The following APBA2 variants were observed in gnomAD, a reference collection of about 807,000 sequenced individuals.
APBA2 encodes the protein amyloid-beta A4 precursor protein-binding family A member 2.
APBA2 carries 30 observed loss-of-function variants against 75.0 expected under a neutral mutation model. That is an observed-to-expected ratio of 0.40 (90% CI 0.30 to 0.54). The LOEUF (loss-of-function observed/expected upper bound fraction) is 0.54. Among genes scored for constraint, APBA2 ranks in the 20% least tolerant of loss-of-function variants. The pLI, the probability that APBA2 is intolerant of heterozygous loss-of-function variation, is 0.49. For synonymous variants in APBA2, 444 were observed against 409.6 expected (o/e 1.08, Z -1.01); for missense variants, 801 against 1,016.1 (o/e 0.79, Z 2.88).
chr15:28,933,300 C>T (rs976793499), intron 2 of APBA2, among the ~76,000 whole-genome samples: 9 of 151,942 alleles, frequency 5.9e-5, no homozygotes, highest in East Asian at 2.0e-4. Context: ...GGATCAATGC[C>T]GTTTTAAAAG....
chr15:29,056,589 C>CCTCT (rs1400896531), intron 4 of APBA2, among the ~76,000 whole-genome samples: 13 of 784 alleles, frequency 0.017, 1 homozygote, highest in Middle Eastern at 0.17. Context: ...TCCCTCCCTC[C>CCTCT]CTCCCTCCCT....
chr15:29,113,862 C>T lies in APBA2; in HGVS notation c.2038-14C>T. On this transcript the variant is annotated splice_polypyrimidine_tract_variant and intron_variant, in intron 13 of 14. Coordinates refer to ENST00000683413, the MANE Select transcript of APBA2 (RefSeq NM_001353788.2). ...GGCGGGAACACGTGTGCTGACCTGG[C>T]CATGTCTGCTTAGATCTGCAGCCTC... is the stretch of plus-strand genomic sequence containing the variant. 6.2e-7 allele frequency: 1 copy of T among 1,607,864 alleles called. No homozygotes were observed. The highest frequency in any genetic ancestry group is 8.5e-7 in the Non-Finnish European group (1 of 1,178,970).
chr15:29,040,651 A>G (rs1042958099), intron 3 of APBA2, among the ~76,000 whole-genome samples: 2 of 152,222 alleles, frequency 1.3e-5, no homozygotes, highest in African/African-American at 4.8e-5. Flanking sequence ...TGTGTTCTCA[A>G]CCTGAGTGGA....
intron 2 of APBA2, among the ~76,000 whole-genome samples, chr15:28,987,406 A>C (rs1484413958): frequency 2.0e-5 from 3 of 152,020 alleles, no homozygotes; most frequent in Non-Finnish European, 2.9e-5. Flanking sequence ...GGGCAGGAGG[A>C]TCCACGTCCA....
intron 10 of APBA2, among the ~76,000 whole-genome samples, chr15:29,103,215 G>A (rs1038730): frequency 0.66 from 100,981 of 152,100 alleles, 38,736 homozygotes; most frequent in Non-Finnish European, 0.85. Flanking sequence ...GGCACTGAGA[G>A]CCCCCAGGTG....
At chr15:29,048,549 C>T (rs2041449724) in intron 3 of APBA2, among the ~76,000 whole-genome samples, 1 of 152,072 alleles carries the variant, frequency 6.6e-6, no homozygotes, top group African/African-American at 2.4e-5. Context: ...GCTCTAAATT[C>T]ATAATAATGA....
intron 2 of APBA2, among the ~76,000 whole-genome samples, chr15:28,957,797 C>T (rs2152732542): frequency 6.6e-6 from 1 of 152,284 alleles, no homozygotes; most frequent in South Asian, 2.1e-4. Context: ...GTCTCTTGCA[C>T]CTGCACATCA....
At chr15:28,931,985 A>C (rs570051902) in intron 2 of APBA2, among the ~76,000 whole-genome samples, 4 of 152,194 alleles carry the variant, frequency 2.6e-5, no homozygotes, top group African/African-American at 9.6e-5. Flanking sequence ...AGCCCTCCCA[A>C]CTGGGTCTGG....
At chr15:28,914,211 C>A (rs1349519045) in intron 1 of APBA2, among the ~76,000 whole-genome samples, 2 of 152,152 alleles carry the variant, frequency 1.3e-5, no homozygotes, top group Non-Finnish European at 2.9e-5. Flanking sequence ...GGTCAGGCTC[C>A]CCCTGCTCAT....
intron 2 of APBA2, among the ~76,000 whole-genome samples, chr15:28,984,233 G>C (rs2037778451): frequency 6.6e-6 from 1 of 152,282 alleles, no homozygotes; most frequent in African/African-American, 2.4e-5. Flanking sequence ...GGCCATGCTG[G>C]GGGAGTGAGG....
chr15:28,943,273 C>T (rs1844899677), intron 2 of APBA2, among the ~76,000 whole-genome samples: 2 of 152,170 alleles, frequency 1.3e-5, no homozygotes, highest in African/African-American at 4.8e-5. Flanking sequence ...CAGCTCAGAC[C>T]TGCCTCTGCC....
chr15:29,110,297 G>T (rs2044659899), intron 13 of APBA2, among the ~76,000 whole-genome samples: 1 of 152,202 alleles, frequency 6.6e-6, no homozygotes, highest in Admixed American at 6.5e-5. Flanking sequence ...CAGAGCCTGG[G>T]GTGCTGTATG....
At chr15:29,113,565 C>A (rs2044863302) in intron 13 of APBA2, among the ~76,000 whole-genome samples, 1 of 152,144 alleles carries the variant, frequency 6.6e-6, no homozygotes, top group African/African-American at 2.4e-5. Flanking sequence ...TGGCAGTGGC[C>A]TTGGGCTGTG....
At chr15:28,939,446 G>T (rs1405972434) in intron 2 of APBA2, among the ~76,000 whole-genome samples, 1 of 152,168 alleles carries the variant, frequency 6.6e-6, no homozygotes, top group African/African-American at 2.4e-5. Context: ...TTCCACAGCA[G>T]CTGCACCCAT....
intron 10 of APBA2, among the ~76,000 whole-genome samples, chr15:29,103,668 G>A (rs1027316354): frequency 6.6e-6 from 1 of 152,220 alleles, no homozygotes; most frequent in Non-Finnish European, 1.5e-5. Flanking sequence ...TCCAAGGGGA[G>A]GAAGAATGGC....
intron 1 of APBA2, among the ~76,000 whole-genome samples, chr15:28,891,117 A>T (rs570700491): frequency 6.6e-6 from 1 of 152,352 alleles, no homozygotes; most frequent in African/African-American, 2.4e-5. Context: ...GATGGTTTTG[A>T]TGGCGAAACC....
chr15:29,026,414 A>C (rs1342128840), intron 3 of APBA2, among the ~76,000 whole-genome samples: 1 of 152,192 alleles, frequency 6.6e-6, no homozygotes, highest in African/African-American at 2.4e-5. Flanking sequence ...ATCTGTGGCT[A>C]GTTCTTTGGC....
intron 2 of APBA2, among the ~76,000 whole-genome samples, chr15:28,987,517 G>A (rs1354208020): frequency 2.6e-5 from 4 of 151,794 alleles, no homozygotes; most frequent in African/African-American, 4.8e-5. Flanking sequence ...CATGGCAGGC[G>A]GATTCCCCCA....
chr15:28,887,247 C>A (rs540023678), intron 1 of APBA2, among the ~76,000 whole-genome samples: 14 of 152,352 alleles, frequency 9.2e-5, no homozygotes, highest in Admixed American at 7.8e-4. Context: ...CGGCATCTTG[C>A]GTCTGGCACT....
Sources: allele counts gnomAD v4.1 joint callset (sites outside exome capture counted in the v4.1 genomes callset), GRCh38; gene constraint gnomAD v4.1.1; transcripts MANE v1.5; gene names NCBI Gene and HGNC (gene_info 2026-07-23, HGNC 2026-07-21).